BLVRB: variants seen among roughly 807,000 people sequenced by gnomAD.
BLVRB encodes the protein biliverdin reductase B.
Under a neutral mutation model 21.1 loss-of-function variants are expected in BLVRB, and 25 were observed. The observed-to-expected ratio is 1.19, with a 90% CI of 0.86 to 1.66. The LOEUF (loss-of-function observed/expected upper bound fraction) is 1.66, where lower values mean the gene tolerates loss of function less well. Among genes scored for constraint, BLVRB ranks in the 40% most tolerant of loss-of-function variants. BLVRB has a pLI of 0.00. For synonymous variants in BLVRB, 128 were observed against 122.2 expected (o/e 1.05, Z -0.31); for missense variants, 274 against 282.7 (o/e 0.97, Z 0.22).
chr19:40,460,662 T>C (rs908056451), intron 1 of BLVRB, among the ~76,000 whole-genome samples: 3 of 151,892 alleles, frequency 2.0e-5, no homozygotes, highest in South Asian at 2.1e-4. Context: ...TTTAGGCTAC[T>C]ACCTGGCACA....
At chr19:40,462,478 C>T (rs1030167175) in intron 1 of BLVRB, among the ~76,000 whole-genome samples, 8 of 151,184 alleles carry the variant, frequency 5.3e-5, no homozygotes, top group South Asian at 4.2e-4. Context: ...TGGGGTTTCA[C>T]GGTGTTAGCC....
chr19:40,460,358 C>A (rs1423033127), intron 1 of BLVRB, among the ~76,000 whole-genome samples: 6 of 149,096 alleles, frequency 4.0e-5, no homozygotes, highest in South Asian at 2.1e-4. Context: ...AATTCCTGGG[C>A]TGATGCCTAT....
chr19:40,448,609 ATAT>A (rs1568735614), intron 4 of BLVRB, among the ~76,000 whole-genome samples: 3 of 6,256 alleles, frequency 4.8e-4, no homozygotes, highest in Non-Finnish European at 8.3e-4. Flanking sequence ...ACAACAACAA[ATAT>A]ATATATATAT....
Position 40,449,538 on chromosome 19 carries a change from G to T in BLVRB, c.464-1492C>A, listed in dbSNP as rs569399084. ...TGGGATTACAGATGTGAGCCACCACGCTGGCCTGACAGTTGGGGAAATTTT... is the reference window on the plus strand; with the variant it reads ...TGGGATTACAGATGTGAGCCACCACTCTGGCCTGACAGTTGGGGAAATTTT... On this transcript the variant is annotated intron_variant, in intron 4 of 4. Coordinates refer to ENST00000263368, the MANE Select transcript of BLVRB (RefSeq NM_000713.3). 1.3e-3 allele frequency among the ~76,000 whole-genome samples: 200 copies of T among 152,192 alleles called. 2 individuals carry two copies. Among genetic ancestry groups the T allele is most frequent in the African/African-American group, 4.6e-3 (189 of 41,522 alleles).
rs1472389959 is a variant in BLVRB, at chr19:40,447,871, C to T, written c.*18G>A. On this transcript the variant is annotated 3_prime_UTR_variant, in exon 5 of 5. Coordinates refer to ENST00000263368, the MANE Select transcript of BLVRB (RefSeq NM_000713.3). Reference sequence around the variant, plus strand: ...CCTCATGTCCCAGAATGCCACCCTCCCAGATGGGGACAGAGTGCTACTGGT... The same window carrying T: ...CCTCATGTCCCAGAATGCCACCCTCTCAGATGGGGACAGAGTGCTACTGGT... The T allele has an allele frequency of 6.2e-7, 1 of 1,601,488 alleles. No individual in the cohort carries two copies. The highest frequency in any genetic ancestry group is 1.7e-5 in the Admixed American group (1 of 59,658).
At chr19:40,451,274 G>A in intron 4 of BLVRB, 90 bp downstream of exon 4, 7 of 1,530,602 alleles carry the variant, frequency 4.6e-6, no homozygotes, top group East Asian at 2.4e-5. Context: ...GCAATTTTAG[G>A]GTGGTCAGGG....
chr19:40,452,774 A>G (rs1382735607), intron 3 of BLVRB, among the ~76,000 whole-genome samples: 2 of 152,046 alleles, frequency 1.3e-5, no homozygotes, highest in Non-Finnish European at 2.9e-5. Context: ...CTGAAGCTGG[A>G]GAATTGCTGG....
In BLVRB at chr19:40,458,541, G is replaced by A. The variant is rs147317897; in HGVS notation, c.84C>T (p.Tyr28=). Residue 28 remains tyrosine (Y), a synonymous_variant, in exon 2 of 5, where the codon TAC becomes TAT. Transcript: ENST00000263368. ...AGTCCCGCACCAGCACTGTCACTTCGTAACCTGTGGGCAAAGAGGAGCAGA... is the reference window on the plus strand; with the variant it reads ...AGTCCCGCACCAGCACTGTCACTTCATAACCTGTGGGCAAAGAGGAGCAGA... ...TTLAQAVQAG[Y]EVTVLVRDSS... is the part of the protein sequence containing the mutation. 7.5e-6 allele frequency: 12 copies of A among 1,603,232 alleles called. No individual in the cohort carries two copies. The highest frequency in any genetic ancestry group is 6.7e-5 in the East Asian group (3 of 44,690).
In BLVRB at chr19:40,458,493, C is replaced by A. The variant is rs774056404; in HGVS notation, c.132G>T (p.Gly44=). The change falls in exon 2 of 5, where the codon GGG becomes GGT. Residue 44 remains glycine, a synonymous_variant. Transcript: ENST00000263368. ...CCACTACCACGTGGGCCGGCCGGGG[C>A]CCCTCTGATGGCAGCCTGGAGGAGT... ...VRDSSRLPSE[G]PRPAHVVVGD... 3.1e-6 allele frequency: 5 copies of A among 1,611,198 alleles called. No individual in the cohort carries two copies. In the East Asian group the frequency reaches 8.9e-5, roughly 29 times the overall value.
At chr19:40,448,637 A>G (rs2079725700) in intron 4 of BLVRB, among the ~76,000 whole-genome samples, 2 of 111,938 alleles carry the variant, frequency 1.8e-5, no homozygotes, top group South Asian at 5.3e-4. Context: ...ATATATATAT[A>G]TATATATTTG....
Position 40,451,485 on chromosome 19 carries a change from C to G in BLVRB, c.342G>C (p.Leu114=). 6.2e-7 allele frequency: 1 copy of G among 1,609,598 alleles called. No homozygotes were observed. The highest frequency in any genetic ancestry group is 1.3e-5 in the African/African-American group (1 of 74,634). The stretch of plus-strand genomic sequence containing the variant: ...GGGGCACCTTGGTAGGGTCCCAGAG[C>G]AGGAAAGCTGGAGGGAACACAGGGC... The part of the protein sequence containing the change: ...DKVVACTSAF[L]LWDPTKVPPR... Residue 114 remains leucine, a synonymous_variant, in exon 4 of 5, where the codon CTG becomes CTC. Transcript: ENST00000263368.
intron 1 of BLVRB, among the ~76,000 whole-genome samples, chr19:40,462,336 T>C (rs1417590504): frequency 6.7e-6 from 1 of 150,346 alleles, no homozygotes; most frequent in Non-Finnish European, 1.5e-5. Flanking sequence ...TGGAGTGCAG[T>C]GGCGCAATCT....
At chr19:40,456,348 A>G (rs796632704) in intron 3 of BLVRB, among the ~76,000 whole-genome samples, 24 of 152,036 alleles carry the variant, frequency 1.6e-4, no homozygotes, top group African/African-American at 5.8e-4. Flanking sequence ...CCTTGAGCCC[A>G]GGGGTTCAAG....
chr19:40,454,050 C>T (rs1179516855), intron 3 of BLVRB, among the ~76,000 whole-genome samples: 1 of 152,100 alleles, frequency 6.6e-6, no homozygotes, highest in Admixed American at 6.6e-5. Context: ...GTCACAGAGA[C>T]CAGCCTGGGC....
chr19:40,452,903 ACAC>A (rs1480138628), intron 3 of BLVRB, among the ~76,000 whole-genome samples: 2,153 of 131,892 alleles, frequency 0.016, 117 homozygotes, highest in Admixed American at 0.11. Context: ...AACAAAAAAA[ACAC>A]AAAAATTAGC....
chr19:40,464,781 G>C (rs2079803321), intron 1 of BLVRB, among the ~76,000 whole-genome samples: 1 of 152,122 alleles, frequency 6.6e-6, no homozygotes, highest in Non-Finnish European at 1.5e-5. Flanking sequence ...GGTCCTGTTG[G>C]CCTCCACCCT....
intron 3 of BLVRB, among the ~76,000 whole-genome samples, chr19:40,456,293 C>A (rs1017233041): frequency 6.6e-6 from 1 of 152,050 alleles, no homozygotes; most frequent in African/African-American, 2.4e-5. Flanking sequence ...CTCAATGGCT[C>A]ATACCTGTTG....
chr19:40,461,258 C>G (rs1236137152), intron 1 of BLVRB, among the ~76,000 whole-genome samples: 4 of 152,166 alleles, frequency 2.6e-5, no homozygotes, highest in African/African-American at 9.6e-5. Context: ...TGGTCCCTTT[C>G]CTGGGTCCTC....
At chr19:40,462,784 T>G (rs916937075) in intron 1 of BLVRB, among the ~76,000 whole-genome samples, 1 of 148,702 alleles carries the variant, frequency 6.7e-6, no homozygotes, top group South Asian at 2.1e-4. Context: ...TCCCAGCTAC[T>G]TGGGAGGCTG....
Sources: gnomAD v4.1 joint callset for allele counts (sites outside exome capture counted in the v4.1 genomes callset) on GRCh38, gnomAD v4.1.1 for gene constraint, MANE v1.5 for transcripts, NCBI Gene and HGNC (gene_info 2026-07-23, HGNC 2026-07-21) for gene names.